The following MGST1 variants were observed in gnomAD, a reference collection of about 807,000 sequenced individuals.
MGST1 encodes the protein glutathione S-transferase 12.
A neutral mutation model predicts 8.9 loss-of-function variants in MGST1; 5 were observed. The ratio of observed to expected loss-of-function variants is 0.56; its 90% confidence interval spans 0.29 to 1.19. The LOEUF is 1.19. Ranked by LOEUF, MGST1 falls within the 50% of genes most tolerant of loss-of-function variation. MGST1 has a pLI of 0.08. For missense variants in MGST1, 182 were observed against 187.4 expected, an observed-to-expected ratio of 0.97 and a Z score of 0.17; for synonymous variants, 54 against 67.8, an observed-to-expected ratio of 0.80 and a Z score of 1.00.
At chr12:16,490,254 C>A (rs565899721) in intron 4 of MGST1, among the ~76,000 whole-genome samples, 2 of 152,218 alleles carry the variant, frequency 1.3e-5, no homozygotes, top group African/African-American at 4.8e-5. Flanking sequence ...CAGACAGAGA[C>A]CCTGTCTCAA....
chr12:16,448,701 A>G (rs1269771939), intron 4 of MGST1, among the ~76,000 whole-genome samples: 1 of 151,942 alleles, frequency 6.6e-6, no homozygotes, highest in Non-Finnish European at 1.5e-5. Flanking sequence ...TTATTTACAT[A>G]ATTATAGCAA....
rs563060876 is a variant in MGST1 at position 16,403,505 on chromosome 12, G to T, written n.778+19901G>T. 9.9e-5 allele frequency among the ~76,000 whole-genome samples: 15 copies of T among 152,068 alleles called. No homozygotes were observed. The South Asian group carries it at 2.5e-3, about 25-fold the overall frequency. Reference sequence around the variant, plus strand: ...TTGCAATTATTGGCTATAATGTTCTGTATGTATTAGATTGGTGCAAAAGTA... The same window carrying T: ...TTGCAATTATTGGCTATAATGTTCTTTATGTATTAGATTGGTGCAAAAGTA... On this transcript the variant is annotated intron_variant and non_coding_transcript_variant, in intron 1 of 1. Transcript: ENST00000359720.
intron 4 of MGST1, among the ~76,000 whole-genome samples, chr12:16,527,568 A>G (rs991335663): frequency 6.6e-6 from 1 of 151,980 alleles, no homozygotes; most frequent in Non-Finnish European, 1.5e-5. Flanking sequence ...ACTGTTTCCC[A>G]TCACTCCATT....
chr12:16,426,768 A>G (rs571477365), intron 1 of MGST1, among the ~76,000 whole-genome samples: 2 of 152,138 alleles, frequency 1.3e-5, no homozygotes, highest in Admixed American at 6.5e-5. Context: ...TGGCTAACAC[A>G]GTGAAACCCC....
rs1454983314 is a variant in MGST1, at chr12:16,587,557, T to C, written n.483-1971T>C. Among the ~76,000 whole-genome samples the C allele has an allele frequency of 1.3e-5, 2 of 152,134 alleles. No individual in the cohort carries two copies. The highest frequency in any genetic ancestry group is 2.9e-5 in the Non-Finnish European group (2 of 68,008). On this transcript the variant is annotated intron_variant and non_coding_transcript_variant, in intron 4 of 4. Transcript: ENST00000538857. The surrounding 1 kb of genome is among the most constrained non-coding windows in gnomAD (Gnocchi z 4.3). ...GAGTTTTGGCCCCTTAATAGTAGCC[T>C]ACATGGTTGACTACCCTTGGTGTTA...
At chr12:16,357,441 A>T in intron 2 of MGST1, 164 bp from the exon 3 acceptor site, 1 of 561,196 alleles carries the variant, frequency 1.8e-6, no homozygotes, top group Non-Finnish European at 3.1e-6. Flanking sequence ...ATTTTTTTTA[A>T]AAAAATTTGT....
At chr12:16,427,934 G>T (rs1399302997) in intron 1 of MGST1, among the ~76,000 whole-genome samples, 2 of 151,394 alleles carry the variant, frequency 1.3e-5, no homozygotes, top group Non-Finnish European at 2.9e-5. Flanking sequence ...TAAACTTTTT[G>T]ATTTAATCTT....
At chr12:16,498,211 G>T (rs1006350808) in intron 4 of MGST1, among the ~76,000 whole-genome samples, 3 of 151,946 alleles carry the variant, frequency 2.0e-5, no homozygotes, top group Non-Finnish European at 2.9e-5. Context: ...CAAAATTATG[G>T]GATAAGAAAA....
chr12:16,409,639 GA>G (rs1474974990), intron 1 of MGST1, among the ~76,000 whole-genome samples: 5 of 152,128 alleles, frequency 3.3e-5, no homozygotes, highest in Admixed American at 3.3e-4. Flanking sequence ...GGCTTCTAGG[GA>G]GACAAATTTC....
chr12:16,521,276 A>G (rs1160581476), intron 4 of MGST1, among the ~76,000 whole-genome samples: 4 of 152,176 alleles, frequency 2.6e-5, no homozygotes, highest in Non-Finnish European at 5.9e-5. Flanking sequence ...ATAAAAATCC[A>G]GAAAGACCTA....
intron 4 of MGST1, among the ~76,000 whole-genome samples, chr12:16,466,929 G>T (rs1565460131): frequency 6.6e-6 from 1 of 151,942 alleles, no homozygotes; most frequent in Non-Finnish European, 1.5e-5. Flanking sequence ...GATAATCCCA[G>T]TTTTATGTAA....
Position 16,548,079 on chromosome 12 carries a change from T to G in MGST1, n.483-41449T>G, listed in dbSNP as rs1451872500. Reference sequence around the variant, plus strand: ...ATTTAATCTGACAACAGCAACAGAGTTGCTTTCAGAAAGATCACCTAAAAT... The same window carrying G: ...ATTTAATCTGACAACAGCAACAGAGGTGCTTTCAGAAAGATCACCTAAAAT... On this transcript the variant is annotated intron_variant and non_coding_transcript_variant, in intron 4 of 4. Transcript: ENST00000538857. The surrounding 1 kb of genome is among the most constrained non-coding windows in gnomAD (Gnocchi z 4.2). Among the ~76,000 whole-genome samples, 1 of 152,088 alleles carries G rather than the reference T, an allele frequency of 6.6e-6. No homozygotes were observed. Among genetic ancestry groups the G allele is most frequent in the Non-Finnish European group, 1.5e-5 (1 of 68,012 alleles).
downstream of MGST1, among the ~76,000 whole-genome samples, chr12:16,441,583 A>AGTAT (rs1941039164): frequency 6.6e-6 from 1 of 151,856 alleles, no homozygotes; most frequent in Non-Finnish European, 1.5e-5. Flanking sequence ...GAAATCGCAC[A>AGTAT]GTATGTAGCC....
rs11056951 is a variant in MGST1, at chr12:16,478,155, G to A, written n.482+94551G>A. On this transcript the variant is annotated intron_variant and non_coding_transcript_variant, in intron 4 of 4. Transcript: ENST00000538857. ...AGTAATTCTTCTGCCTCAGCCTCTC[G>A]AGTAGCTGGGACTATAGGCGCGTGC... Among the ~76,000 whole-genome samples, 1,409 of 152,234 alleles carry A rather than the reference G, an allele frequency of 9.3e-3. 76 individuals are homozygous for A. In the East Asian group the frequency reaches 0.17, roughly 18 times the overall value.
At chr12:16,414,357 CTT>C (rs375736641) in intron 1 of MGST1, among the ~76,000 whole-genome samples, 1,482 of 103,122 alleles carry the variant, frequency 0.014, 17 homozygotes, top group African/African-American at 0.017. Context: ...TACCTGATTT[CTT>C]TTTTTTTTTT....
chr12:16,350,422 C>T (rs1939409585), intron 1 of MGST1, among the ~76,000 whole-genome samples: 1 of 152,058 alleles, frequency 6.6e-6, no homozygotes, highest in Non-Finnish European at 1.5e-5. Context: ...AGTGTTTTTC[C>T]CTGCTTACTT....
intron 4 of MGST1, among the ~76,000 whole-genome samples, chr12:16,487,305 AAAAC>A (rs1482843708): frequency 1.3e-5 from 2 of 152,236 alleles, no homozygotes; most frequent in Non-Finnish European, 2.9e-5. Flanking sequence ...CAACAACAAA[AAAAC>A]AAACCTAGAA....
At chr12:16,543,261 CT>C (rs768522328) in intron 4 of MGST1, among the ~76,000 whole-genome samples, 14 of 152,072 alleles carry the variant, frequency 9.2e-5, no homozygotes, top group Non-Finnish European at 1.8e-4. Context: ...AGTATAAATG[CT>C]AGACACATAC....
chr12:16,370,882 G>A (rs2137022006), intron 3 of MGST1, among the ~76,000 whole-genome samples: 1 of 152,260 alleles, frequency 6.6e-6, no homozygotes, highest in Admixed American at 6.5e-5. Flanking sequence ...AATAATTATA[G>A]CAGAAAGCTT....
Sources: allele counts gnomAD v4.1 joint callset (sites outside exome capture counted in the v4.1 genomes callset), GRCh38; gene constraint gnomAD v4.1.1; non-coding constraint Gnocchi (gnomAD v3.1); transcripts MANE v1.5; gene names NCBI Gene and HGNC (gene_info 2026-07-23, HGNC 2026-07-21).